Variants in IRAG1 observed in about 807,000 individuals in gnomAD.
The protein encoded by IRAG1 is inositol 1,4,5-triphosphate receptor associated 1, also known as IP3R-associated cGMP kinase substrate.
In IRAG1, 62 loss-of-function variants were observed where a neutral mutation model predicts 106.2. The observed-to-expected ratio is 0.58, with a 90% confidence interval of 0.48 to 0.72. The LOEUF (loss-of-function observed/expected upper bound fraction) is 0.72. Ranked by LOEUF, IRAG1 falls within the 30% of genes least tolerant of loss-of-function variation. The pLI, the probability that IRAG1 is intolerant of heterozygous loss-of-function variation, is 0.00. For synonymous variants in IRAG1, 462 were observed against 443.9 expected, an observed-to-expected ratio of 1.04 and a Z score of -0.51; for missense variants, 1,064 against 1,140.7, an observed-to-expected ratio of 0.93 and a Z score of 0.97.
chr11:10,652,812 A>G (rs1858629264), intron 1 of IRAG1, among the ~76,000 whole-genome samples: 1 of 152,096 alleles, frequency 6.6e-6, no homozygotes, highest in African/African-American at 2.4e-5. Context: ...ACCTCCCCTC[A>G]TGCTCTTCTG....
chr11:10,643,239 G>A (rs1275593239), intron 2 of IRAG1, among the ~76,000 whole-genome samples: 4 of 146,818 alleles, frequency 2.7e-5, no homozygotes, highest in Non-Finnish European at 4.5e-5. Context: ...TTATCCCAGC[G>A]GCAAGTCCTA....
chr11:10,689,849 A>T (rs1258107004), intron 1 of IRAG1, among the ~76,000 whole-genome samples: 2 of 152,190 alleles, frequency 1.3e-5, no homozygotes, highest in Non-Finnish European at 2.9e-5. Flanking sequence ...TATAAACAAT[A>T]CTTATCACTG....
intron 15 of IRAG1, among the ~76,000 whole-genome samples, chr11:10,600,707 C>T (rs1159248073): frequency 6.6e-6 from 1 of 152,236 alleles, no homozygotes; most frequent in East Asian, 1.9e-4. Flanking sequence ...GTTAGGAAGT[C>T]ACTTTGGAAA....
At chr11:10,680,368 A>AGAAAGAAAGAAAGAAAGAAAGAAAGAAG (rs1186897932) in intron 1 of IRAG1, among the ~76,000 whole-genome samples, 5 of 80,956 alleles carry the variant, frequency 6.2e-5, no homozygotes, top group East Asian at 1.1e-3. Context: ...AAAGAAAGAA[A>AGAAAGAAAGAAAGAAAGAAAGAAAGAAG]GAAGGAAGGA....
intron 1 of IRAG1, among the ~76,000 whole-genome samples, chr11:10,692,102 A>C (rs1470167132): frequency 1.3e-5 from 2 of 152,152 alleles, no homozygotes; most frequent in African/African-American, 2.4e-5. Flanking sequence ...TCCCTCCAAG[A>C]TGATAAAGGA....
chr11:10,605,965 A>G (rs529228179), intron 12 of IRAG1, among the ~76,000 whole-genome samples: 29 of 152,128 alleles, frequency 1.9e-4, no homozygotes, highest in African/African-American at 6.5e-4. Context: ...TTATTTACTC[A>G]CTCAGTTTTC....
intron 1 of IRAG1, among the ~76,000 whole-genome samples, chr11:10,669,901 G>C (rs751544153): frequency 2.6e-5 from 4 of 152,194 alleles, no homozygotes; most frequent in Non-Finnish European, 5.9e-5. Flanking sequence ...CTTGTGGCCA[G>C]ATGGCAATAA....
chr11:10,633,283 G>T (rs912281561), intron 3 of IRAG1, among the ~76,000 whole-genome samples: 9 of 152,242 alleles, frequency 5.9e-5, no homozygotes, highest in South Asian at 4.2e-4. Flanking sequence ...CACTGTGTTA[G>T]CCAGGATGGT....
intron 1 of IRAG1, among the ~76,000 whole-genome samples, chr11:10,679,242 A>G (rs984374504): frequency 6.6e-6 from 1 of 152,190 alleles, no homozygotes; most frequent in African/African-American, 2.4e-5. Flanking sequence ...AAAGCATACG[A>G]TTCAGTGGCA....
At chr11:10,689,677 A>G (rs1464646149) in intron 1 of IRAG1, among the ~76,000 whole-genome samples, 1 of 152,252 alleles carries the variant, frequency 6.6e-6, no homozygotes, top group East Asian at 1.9e-4. Flanking sequence ...ACTCTATGTT[A>G]TAAAACCATT....
intron 10 of IRAG1, among the ~76,000 whole-genome samples, chr11:10,616,757 A>G (rs1043790535): frequency 3.3e-5 from 5 of 152,106 alleles, no homozygotes; most frequent in Admixed American, 3.3e-4. Context: ...CTCCTTCTGT[A>G]TTAGTGGGGA....
intron 20 of IRAG1, among the ~76,000 whole-genome samples, chr11:10,579,243 A>G (rs1034461510): frequency 1.3e-5 from 2 of 152,214 alleles, no homozygotes; most frequent in African/African-American, 2.4e-5. Context: ...TTCTCCACCA[A>G]CTGGGCTCTA....
intron 1 of IRAG1, among the ~76,000 whole-genome samples, chr11:10,691,903 TC>T (rs1395498368): frequency 6.6e-6 from 1 of 152,068 alleles, no homozygotes; most frequent in Non-Finnish European, 1.5e-5. Flanking sequence ...TGCTAAAGTG[TC>T]CTCCTCTACA....
chr11:10,612,106 A>T (rs1855014045), intron 10 of IRAG1, among the ~76,000 whole-genome samples: 1 of 152,162 alleles, frequency 6.6e-6, no homozygotes, highest in Non-Finnish European at 1.5e-5. Context: ...GAAAGCCCCA[A>T]CCACCATGTT....
chr11:10,626,653 C>G, intron 8 of IRAG1, 70 bp from the exon 9 acceptor site: 8 of 1,487,362 alleles, frequency 5.4e-6, no homozygotes, highest in Non-Finnish European at 7.2e-6. Flanking sequence ...GCCACTTCTG[C>G]TGTGGAGTCT....
Position 10,626,549 on chromosome 11 carries a change from TTCTGCTTCCTG to T in IRAG1, c.774_784del (p.Asp258GlufsTer2). On this transcript the variant is annotated frameshift_variant, in exon 9 of 21. Coordinates refer to ENST00000423302, the MANE Select transcript of IRAG1 (RefSeq NM_130385.4). LOFTEE classifies it high-confidence loss of function. ...GCCCTGAGACACTTTCCTCTGGTCA[TTCTGCTTCCTG>T]TCAGCTAGCCCTTTGGGGACGTTCT... 6.2e-7 allele frequency: 1 copy of T among 1,611,248 alleles called. No individual in the cohort carries two copies.
At chr11:10,620,480 T>A (rs17320588) in intron 10 of IRAG1, among the ~76,000 whole-genome samples, 25,860 of 152,026 alleles carry the variant, frequency 0.17, 2,652 homozygotes, top group Non-Finnish European at 0.24. Flanking sequence ...CAGACCTAAA[T>A]GGGTACACGG....
intron 15 of IRAG1, among the ~76,000 whole-genome samples, chr11:10,598,249 G>T (rs2134275318): frequency 1.3e-5 from 2 of 152,244 alleles, no homozygotes; most frequent in East Asian, 3.9e-4. Context: ...GAAGCTGCAG[G>T]GTCAGCTTGG....
intron 20 of IRAG1, 23 bp from the exon 21 acceptor site, chr11:10,576,598 A>G: frequency 6.2e-7 from 1 of 1,613,444 alleles, no homozygotes; most frequent in South Asian, 1.1e-5. Flanking sequence ...AAAAATATGC[A>G]GAGGCTTTAG....
Sources: allele counts gnomAD v4.1 joint callset (sites outside exome capture counted in the v4.1 genomes callset), GRCh38; gene constraint gnomAD v4.1.1; transcripts MANE v1.5; gene names NCBI Gene and HGNC (gene_info 2026-07-23, HGNC 2026-07-21).